CFAP299: variants seen among roughly 807,000 people sequenced by gnomAD.
CFAP299 encodes cilia and flagella associated protein 299, also known as cilia- and flagella-associated protein 299.
A neutral mutation model predicts 27.0 loss-of-function variants in CFAP299; 21 were observed. The observed-to-expected ratio is 0.78, with a 90% CI of 0.55 to 1.12. The LOEUF (loss-of-function observed/expected upper bound fraction) is 1.12, where lower values mean the gene tolerates loss of function less well. Among genes scored for constraint, CFAP299 ranks in the 50% most tolerant of loss-of-function variants. The probability of loss-of-function intolerance (pLI) is 0.00; values close to 1 mark genes in which losing one functional copy is unlikely to be tolerated. For missense variants in CFAP299, 310 were observed against 276.6 expected (o/e 1.12, Z -0.86); for synonymous variants, 104 against 98.1 (o/e 1.06, Z -0.36).
rs535416309 is a variant in CFAP299, at chr4:80,919,611, C to T, written c.477-25199C>T. Reference sequence around the variant, plus strand: ...CTTTTGAGTCCATGACTCACAAATTCAATATGTTTGGATCATTTTATTATG... The same window carrying T: ...CTTTTGAGTCCATGACTCACAAATTTAATATGTTTGGATCATTTTATTATG... On this transcript the variant is annotated intron_variant, in intron 4 of 5. Coordinates refer to ENST00000358105, the MANE Select transcript of CFAP299 (RefSeq NM_152770.3). Among the ~76,000 whole-genome samples the T allele has an allele frequency of 2.0e-5, 3 of 152,238 alleles. No homozygotes were observed. In the South Asian group the frequency reaches 6.2e-4, roughly 32 times the overall value.
At chr4:80,597,195 T>C (rs1737099219) in intron 3 of CFAP299, among the ~76,000 whole-genome samples, 1 of 152,202 alleles carries the variant, frequency 6.6e-6, no homozygotes, top group African/African-American at 2.4e-5. Flanking sequence ...AGCAACTGTG[T>C]ATGAGAGTCC....
intron 4 of CFAP299, among the ~76,000 whole-genome samples, chr4:80,900,123 A>AGAGTGTGTGTGTGTGTGTGT (rs1553904499): frequency 1.4e-5 from 2 of 139,794 alleles, no homozygotes; most frequent in African/African-American, 5.4e-5. Context: ...AGTGGAAGAA[A>AGAGTGTGTGTGTGTGTGTGT]GTGTGTGTGT....
At chr4:80,717,109 C>T (rs893851398) in intron 3 of CFAP299, among the ~76,000 whole-genome samples, 2 of 151,980 alleles carry the variant, frequency 1.3e-5, no homozygotes, top group Admixed American at 6.6e-5. Context: ...ACGACAGATA[C>T]GTTTTTCCTT....
At chr4:80,755,861 A>C (rs1725208050) in intron 3 of CFAP299, among the ~76,000 whole-genome samples, 1 of 152,140 alleles carries the variant, frequency 6.6e-6, no homozygotes. Flanking sequence ...TGCTGGTCTC[A>C]GTTAGGGCCA....
At chr4:80,746,601 A>C (rs1445268078) in intron 3 of CFAP299, among the ~76,000 whole-genome samples, 1 of 151,984 alleles carries the variant, frequency 6.6e-6, no homozygotes, top group East Asian at 1.9e-4. Context: ...AGGTTGACGT[A>C]ACTTTTTTCA....
chr4:80,382,386 A>T (rs1430685144), intron 2 of CFAP299, among the ~76,000 whole-genome samples: 1 of 152,244 alleles, frequency 6.6e-6, no homozygotes, highest in Non-Finnish European at 1.5e-5. Flanking sequence ...AGAAACTCTT[A>T]ACAGAGTAAG....
intron 5 of CFAP299, among the ~76,000 whole-genome samples, chr4:80,962,677 A>G (rs867620417): frequency 6.6e-6 from 1 of 152,002 alleles, no homozygotes; most frequent in African/African-American, 2.4e-5. Context: ...TAAGTACCAT[A>G]TGGAAAAGGC....
chr4:80,523,875 A>G (rs1733044249), intron 2 of CFAP299, among the ~76,000 whole-genome samples: 1 of 152,072 alleles, frequency 6.6e-6, no homozygotes, highest in Non-Finnish European at 1.5e-5. Flanking sequence ...TGACTCTAAC[A>G]CCAGGCATGC....
intron 3 of CFAP299, among the ~76,000 whole-genome samples, chr4:80,820,863 A>G (rs1005106579): frequency 6.6e-6 from 1 of 152,218 alleles, no homozygotes; most frequent in Non-Finnish European, 1.5e-5. Context: ...AATATAATAC[A>G]TAGAAACTTC....
chr4:80,960,695 TA>T (rs956782052), intron 5 of CFAP299, among the ~76,000 whole-genome samples: 4 of 151,864 alleles, frequency 2.6e-5, no homozygotes, highest in African/African-American at 9.7e-5. Flanking sequence ...AGTGTAGTCT[TA>T]ACTATTCATA....
chr4:80,963,425 C>A, intron 5 of CFAP299, 92 bp from the exon 6 acceptor site: 1 of 704,470 alleles, frequency 1.4e-6, no homozygotes, highest in Non-Finnish European at 2.4e-6. Flanking sequence ...GTTTTTTTTT[C>A]TGCAATATAA....
chr4:80,801,422 A>C (rs1228091524), intron 3 of CFAP299, among the ~76,000 whole-genome samples: 1 of 152,064 alleles, frequency 6.6e-6, no homozygotes, highest in Admixed American at 6.6e-5. Flanking sequence ...TTTTAGTGAA[A>C]TATCCTAGGA....
chr4:80,920,954 G>A (rs1736012681), intron 4 of CFAP299, among the ~76,000 whole-genome samples: 1 of 152,048 alleles, frequency 6.6e-6, no homozygotes, highest in Non-Finnish European at 1.5e-5. Context: ...CTTTTAACCT[G>A]CCTTTTATTC....
intron 1 of CFAP299, among the ~76,000 whole-genome samples, chr4:80,362,299 A>C (rs1461920857): frequency 6.6e-6 from 1 of 151,714 alleles, no homozygotes; most frequent in Non-Finnish European, 1.5e-5. Context: ...ACTTCAAGGA[A>C]GTAAGGCTCT....
At chr4:80,365,483 T>C (rs1450136872) in intron 2 of CFAP299, among the ~76,000 whole-genome samples, 1 of 152,220 alleles carries the variant, frequency 6.6e-6, no homozygotes, top group Non-Finnish European at 1.5e-5. Flanking sequence ...ATGGATATCC[T>C]TAATCCCATT....
intron 3 of CFAP299, among the ~76,000 whole-genome samples, chr4:80,631,859 G>GCTCCC (rs1739222678): frequency 4.7e-5 from 1 of 21,470 alleles, no homozygotes; most frequent in Non-Finnish European, 9.2e-5. Flanking sequence ...GAATATTTGT[G>GCTCCC]CCCCACCCCC....
intron 4 of CFAP299, 127 bp downstream of exon 4, chr4:80,870,262 A>C: frequency 7.7e-7 from 1 of 1,297,666 alleles, no homozygotes; most frequent in Non-Finnish European, 9.9e-7. Flanking sequence ...TATTAATATG[A>C]AAATAACTAA....
chr4:80,518,104 A>G (rs1316730788), intron 2 of CFAP299, among the ~76,000 whole-genome samples: 3 of 152,064 alleles, frequency 2.0e-5, no homozygotes, highest in African/African-American at 7.2e-5. Context: ...GGAGTAGAGA[A>G]GTAAGGTTCA....
intron 2 of CFAP299, among the ~76,000 whole-genome samples, chr4:80,380,086 C>T (rs1425809146): frequency 6.6e-6 from 1 of 152,048 alleles, no homozygotes; most frequent in Non-Finnish European, 1.5e-5. Context: ...TATTCTGATG[C>T]TAGATACATA....
Sources: gnomAD v4.1 joint callset for allele counts (sites outside exome capture counted in the v4.1 genomes callset) on GRCh38, gnomAD v4.1.1 for gene constraint, MANE v1.5 for transcripts, NCBI Gene and HGNC (gene_info 2026-07-23, HGNC 2026-07-21) for gene names.